MAOB: variants seen among roughly 807,000 people sequenced by gnomAD.
The protein encoded by MAOB is monoamine oxidase B, also known as amine oxidase [flavin-containing] B.
Under a neutral mutation model 41.9 loss-of-function variants are expected in MAOB, and 15 were observed. The observed-to-expected ratio is 0.36, with a 90% CI of 0.24 to 0.55. The LOEUF is 0.55. Ranked by LOEUF, MAOB falls within the 20% of genes least tolerant of loss-of-function variation. MAOB has a pLI of 0.86. For missense variants in MAOB, 345 were observed against 398.7 expected (o/e 0.87, Z 1.15); for synonymous variants, 167 against 144.2 (o/e 1.16, Z -1.13).
intron 3 of MAOB, among the ~76,000 whole-genome samples, chrX:43,830,994 AGTGTGTGTGTGTGT>A (rs56322068): frequency 0.029 from 2,807 of 95,767 alleles, 45 homozygotes; most frequent in Middle Eastern, 0.09. Flanking sequence ...TCAATGATTA[AGTGTGTGTGTGTGT>A]GTGTGTGTGT....
At chrX:43,870,182 C>A (rs2035391911) in intron 1 of MAOB, among the ~76,000 whole-genome samples, 1 of 112,372 alleles carries the variant, frequency 8.9e-6, no homozygotes, top group Non-Finnish European at 1.9e-5. Flanking sequence ...GGACAGCGTC[C>A]AAACTTCTGT....
intron 3 of MAOB, among the ~76,000 whole-genome samples, chrX:43,803,628 C>T (rs1240444479): frequency 4.5e-5 from 5 of 111,807 alleles, no homozygotes; most frequent in African/African-American, 1.3e-4. Context: ...ACACCAAGCA[C>T]GGTAAAGAGG....
At chrX:43,770,956 G>A (rs912928968) in intron 12 of MAOB, among the ~76,000 whole-genome samples, 1 of 111,652 alleles carries the variant, frequency 9.0e-6, no homozygotes, top group African/African-American at 3.3e-5. Flanking sequence ...CTGTCTCATG[G>A]TTCTCTTATA....
chrX:43,866,533 A>G (rs2035366416), intron 1 of MAOB, among the ~76,000 whole-genome samples: 1 of 112,064 alleles, frequency 8.9e-6, no homozygotes, highest in Non-Finnish European at 1.9e-5. Flanking sequence ...GACAGAAAGT[A>G]GAATGATGGT....
chrX:43,802,105 A>T, intron 5 of MAOB, 67 bp downstream of exon 5: 2 of 877,475 alleles, frequency 2.3e-6, no homozygotes, highest in South Asian at 4.2e-5. Context: ...ATACTTGTTG[A>T]ACGGTATTGC....
chrX:43,871,150 T>C (rs1398108673), intron 1 of MAOB, among the ~76,000 whole-genome samples: 1 of 111,508 alleles, frequency 9.0e-6, no homozygotes. Context: ...AGAGTTATCC[T>C]GGATTGAAGC....
intron 8 of MAOB, among the ~76,000 whole-genome samples, chrX:43,784,713 C>T (rs2034377341): frequency 8.9e-6 from 1 of 112,199 alleles, no homozygotes; most frequent in Admixed American, 9.4e-5. Flanking sequence ...AACTTAAAGT[C>T]ACCAGCTGCA....
At chrX:43,784,319 T>A (rs945972927) in intron 8 of MAOB, among the ~76,000 whole-genome samples, 8 of 112,534 alleles carry the variant, frequency 7.1e-5, no homozygotes, top group Middle Eastern at 4.2e-3. Flanking sequence ...AGGAGGACTG[T>A]AAGGCAGGTA....
At chrX:43,797,770 T>G (rs927635851) in intron 5 of MAOB, among the ~76,000 whole-genome samples, 11 of 112,119 alleles carry the variant, frequency 9.8e-5, no homozygotes, top group African/African-American at 3.6e-4. Flanking sequence ...TCTGCCTCCA[T>G]TCATCCTCAC....
intron 3 of MAOB, among the ~76,000 whole-genome samples, chrX:43,814,855 C>T (rs753347273): frequency 9.0e-6 from 1 of 111,645 alleles, no homozygotes; most frequent in Admixed American, 9.5e-5. Context: ...TAAACACAAT[C>T]AAAATTAATT....
chrX:43,783,710 G>T (rs1390960264), intron 8 of MAOB, among the ~76,000 whole-genome samples: 1 of 111,954 alleles, frequency 8.9e-6, no homozygotes, highest in Non-Finnish European at 1.9e-5. Context: ...CAGGGTGGTG[G>T]CTGCTGAAGG....
intron 14 of MAOB, among the ~76,000 whole-genome samples, chrX:43,768,426 AT>A (rs1436826056): frequency 2.7e-5 from 3 of 110,897 alleles, no homozygotes; most frequent in African/African-American, 9.9e-5. Context: ...ATCAAAAAAT[AT>A]TTTTTCCTAA....
chrX:43,855,359 C>T (rs2035281086), intron 1 of MAOB, among the ~76,000 whole-genome samples: 1 of 111,339 alleles, frequency 9.0e-6, no homozygotes, highest in African/African-American at 3.3e-5. Context: ...CTTTGACCCA[C>T]ATAGGAGGGC....
At chrX:43,839,281 C>T (rs1177468983) in intron 2 of MAOB, among the ~76,000 whole-genome samples, 1 of 111,617 alleles carries the variant, frequency 9.0e-6, no homozygotes, top group Non-Finnish European at 1.9e-5. Flanking sequence ...GTTTTTAGTG[C>T]TTTGAATTTG....
chrX:43,851,230 C>G (rs1331153315), intron 1 of MAOB, among the ~76,000 whole-genome samples: 6 of 112,045 alleles, frequency 5.4e-5, no homozygotes, highest in Non-Finnish European at 9.4e-5. Context: ...TTACCTGCCT[C>G]AAATCCTTCT....
At chrX:43,818,670 A>C (rs1186561208) in intron 3 of MAOB, among the ~76,000 whole-genome samples, 2 of 112,702 alleles carry the variant, frequency 1.8e-5, no homozygotes, top group Non-Finnish European at 3.7e-5. Flanking sequence ...GACAATCAAA[A>C]CTACTGACAG....
At chrX:43,773,493 G>A (rs1244235665) in intron 12 of MAOB, among the ~76,000 whole-genome samples, 2 of 112,651 alleles carry the variant, frequency 1.8e-5, no homozygotes, top group Non-Finnish European at 3.8e-5. Context: ...ACAGTGCTTC[G>A]CAAATGGTTG....
chrX:43,851,600 G>A (rs1355333089), intron 1 of MAOB, among the ~76,000 whole-genome samples: 1 of 111,642 alleles, frequency 9.0e-6, no homozygotes, highest in Non-Finnish European at 1.9e-5. Context: ...CATCTTTAAG[G>A]AAGAATATAA....
chrX:43,802,296 CA>C, intron 4 of MAOB, 33 bp from the exon 5 acceptor site: 2 of 931,991 alleles, frequency 2.1e-6, no homozygotes, highest in Non-Finnish European at 3.0e-6. Flanking sequence ...AGGAGAAAGA[CA>C]AATGTAATTT....
Sources: gnomAD v4.1 joint callset for allele counts (sites outside exome capture counted in the v4.1 genomes callset) on GRCh38, gnomAD v4.1.1 for gene constraint, MANE v1.5 for transcripts, NCBI Gene and HGNC (gene_info 2026-07-23, HGNC 2026-07-21) for gene names.